ATXN1L: variants seen among roughly 807,000 people sequenced by gnomAD.
ATXN1L encodes the protein ataxin-1-like.
Under a neutral mutation model 43.4 loss-of-function variants are expected in ATXN1L, and 8 were observed. The observed-to-expected ratio is 0.18, with a 90% CI of 0.11 to 0.33. The LOEUF (loss-of-function observed/expected upper bound fraction) is 0.33. Ranked by LOEUF, ATXN1L falls within the 10% of genes least tolerant of loss-of-function variation. The probability of loss-of-function intolerance (pLI) is 1.00; values close to 1 mark genes in which losing one functional copy is unlikely to be tolerated. For synonymous variants in ATXN1L, 379 were observed against 360.6 expected (o/e 1.05, Z -0.58); for missense variants, 856 against 885.4 (o/e 0.97, Z 0.42).
Position 71,851,532 on chromosome 16 carries a change from C to G in ATXN1L, c.1792C>G (p.Pro598Ala), listed in dbSNP as rs1387672176. The G allele has an allele frequency of 1.9e-6, 3 of 1,551,586 alleles. No individual in the cohort carries two copies. Among genetic ancestry groups the G allele is most frequent in the Non-Finnish European group, 2.6e-6 (3 of 1,146,942 alleles). ...AGTTTCTCAGGCCAGCTGTGCTCCC[C>G]CAAGCCAGCTGGGTCCCCCCCGAGA... ...NSVSQASCAP[P>A]SQLGPPRERP... Residue 598 changes from proline to alanine, a missense_variant, in exon 3 of 3, where the codon CCA becomes GCA. Physicochemically the swap from Pro to Ala is conservative, Grantham distance 27. Around this residue, in one of 7 missense-constraint regions of ATXN1L, gnomAD observed 185 missense variants for 176.8 expected, o/e 1.05. Coordinates refer to ENST00000427980, the MANE Select transcript of ATXN1L (RefSeq NM_001137675.4). This position sits in a 1 kb window ranked among gnomAD's most constrained non-coding sequence, Gnocchi z 4.9.
At chr16:71,848,540 T>C (rs1023935183) in intron 2 of ATXN1L, 1 of 152,946 alleles carries the variant, frequency 6.5e-6, no homozygotes, top group Non-Finnish European at 1.5e-5. Context: ...GTCAGAAGAA[T>C]TTAGAATTTT....
At chr16:71,849,327 A>T (rs760076506) in intron 2 of ATXN1L, among the ~76,000 whole-genome samples, 2 of 151,706 alleles carry the variant, frequency 1.3e-5, no homozygotes, top group African/African-American at 4.8e-5. Context: ...TATGAGACAC[A>T]TGACTAACCG....
intron 1 of ATXN1L, among the ~76,000 whole-genome samples, chr16:71,847,115 C>A (rs1313790964): frequency 6.6e-6 from 1 of 152,130 alleles, no homozygotes; most frequent in Non-Finnish European, 1.5e-5. Context: ...TGCACCTTGC[C>A]AATCTTAAGA....
chr16:71,850,534 C>G lies in ATXN1L; in HGVS notation c.794C>G (p.Ala265Gly), dbSNP rs1210972065. ...TPQESQSALE[A>G]AAANGGQRPR... is the part of the protein sequence containing the mutation. Reference sequence around the variant, plus strand: ...CAGGAGAGCCAGTCTGCTCTGGAAGCAGCTGCTGCAAATGGAGGACAGAGA... The same window carrying G: ...CAGGAGAGCCAGTCTGCTCTGGAAGGAGCTGCTGCAAATGGAGGACAGAGA... Residue 265 changes from alanine (A) to glycine (G), a missense_variant, in exon 3 of 3, where the codon GCA becomes GGA. Physicochemically the swap from Ala to Gly is moderately conservative, Grantham distance 60 (BLOSUM62 0). Around this residue, in one of 7 missense-constraint regions of ATXN1L, gnomAD observed 490 missense variants for 449.4 expected, o/e 1.09. Coordinates refer to ENST00000427980, the MANE Select transcript of ATXN1L (RefSeq NM_001137675.4). 6.4e-7 allele frequency: 1 copy of G among 1,551,644 alleles called. No individual in the cohort carries two copies. Among genetic ancestry groups the G allele is most frequent in the Admixed American group, 2.0e-5 (1 of 50,994 alleles).
rs2033544181 is a variant in ATXN1L at position 71,855,661 on chromosome 16, C to G, written c.*3851C>G. ...TGGACATGGATTGACTGGGAAAAGG[C>G]CTGGGTCCATTGGAGTAAAGATAAC... On this transcript the variant is annotated 3_prime_UTR_variant, in exon 3 of 3. Coordinates refer to ENST00000427980, the MANE Select transcript of ATXN1L (RefSeq NM_001137675.4). 1 of 167,114 alleles carries G rather than the reference C, an allele frequency of 6.0e-6. No homozygotes were observed. Among genetic ancestry groups the G allele is most frequent in the African/African-American group, 2.4e-5 (1 of 41,420 alleles). The allele number at this position is 167,114 out of a possible 1,614,324, so 10.4% of individuals were successfully genotyped here. A position where few individuals can be genotyped will look rare whatever the true frequency, so the allele number is the denominator to read the frequency against.
Position 71,851,380 on chromosome 16 carries a change from T to C in ATXN1L, c.1640T>C (p.Val547Ala), listed in dbSNP as rs1258826957. 1 of 1,551,248 alleles carries C rather than the reference T, an allele frequency of 6.4e-7. No individual in the cohort carries two copies. Among genetic ancestry groups the C allele is most frequent in the Non-Finnish European group, 8.7e-7 (1 of 1,146,942 alleles). Residue 547 changes from valine to alanine, a missense_variant, in exon 3 of 3, where the codon GTA becomes GCA. Physicochemically the swap from Val to Ala is moderately conservative, Grantham distance 64 (BLOSUM62 0). Around this residue, in one of 7 missense-constraint regions of ATXN1L, gnomAD observed 3 missense variants for 17.6 expected, o/e 0.17. Transcript: ENST00000427980. The surrounding 1 kb of genome is among the most constrained non-coding windows in gnomAD (Gnocchi z 4.9). ...GTGCCCCCCGAGCACCCCTTCTTTG[T>C]ATATGGCCAGGGTTGGTCCTCTTGC... ...IEVPPEHPFFVYGQGWSSCSP... is the reference protein window; with the variant it reads ...IEVPPEHPFFAYGQGWSSCSP...
chr16:71,847,423 C>A (rs559147276), intron 1 of ATXN1L, among the ~76,000 whole-genome samples: 1 of 152,150 alleles, frequency 6.6e-6, no homozygotes, highest in South Asian at 2.1e-4. Flanking sequence ...CATACACACA[C>A]ACATATGCTC....
chr16:71,846,085 A>G lies in ATXN1L; in HGVS notation c.-199A>G. ...CCGGGACGAGTGAGTGGATCCTGGG[A>G]AGCGCTGTGAAATGGGCTGGTGAGT... On this transcript the variant is annotated 5_prime_UTR_variant, in exon 1 of 3. Coordinates refer to ENST00000427980, the MANE Select transcript of ATXN1L (RefSeq NM_001137675.4). 5.0e-6 allele frequency: 1 copy of G among 201,368 alleles called. No homozygotes were observed. Among genetic ancestry groups the G allele is most frequent in the Non-Finnish European group, 1.0e-5 (1 of 96,698 alleles). 12.5% of individuals were successfully genotyped at this position (201,368 alleles called of 1,614,324 possible).
intron 2 of ATXN1L, chr16:71,848,542 T>C (rs2033466680): frequency 6.5e-6 from 1 of 152,948 alleles, no homozygotes; most frequent in South Asian, 2.0e-4. Flanking sequence ...CAGAAGAATT[T>C]AGAATTTTGT....
chr16:71,846,459 C>G (rs1322080350), intron 1 of ATXN1L, among the ~76,000 whole-genome samples: 1 of 152,240 alleles, frequency 6.6e-6, no homozygotes. Flanking sequence ...ATTTCGAGCC[C>G]TACCCTTGTT....
In ATXN1L at chr16:71,851,983, C is replaced by T; in HGVS notation, c.*173C>T. ...AAGGCAGGATCTGTTGTTCATTACCCCATGGCATCCTTTCAGGACAACCCC... is the reference window on the plus strand; with the variant it reads ...AAGGCAGGATCTGTTGTTCATTACCTCATGGCATCCTTTCAGGACAACCCC... On this transcript the variant is annotated 3_prime_UTR_variant, in exon 3 of 3. Transcript: ENST00000427980. This position sits in a 1 kb window ranked among gnomAD's most constrained non-coding sequence, Gnocchi z 4.9. The T allele has an allele frequency of 7.2e-6, 5 of 696,314 alleles. No homozygotes were observed. Among genetic ancestry groups the T allele is most frequent in the Non-Finnish European group, 1.1e-5 (5 of 466,708 alleles). 43.1% of individuals were successfully genotyped at this position (696,314 alleles called of 1,614,324 possible).
Position 71,850,185 on chromosome 16 carries a change from G to T in ATXN1L, c.445G>T (p.Ala149Ser), listed in dbSNP as rs1334793791. The stretch of plus-strand genomic sequence containing the variant: ...TGGGTCTCCTTATAGCCTTCCCTAT[G>T]CTGTGCCACCTAATTTCCTACCGAG... The part of the protein sequence containing the change: ...FIGSPYSLPY[A>S]VPPNFLPSPL... Residue 149 changes from alanine to serine, a missense_variant, in exon 3 of 3, where the codon GCT becomes TCT. By Grantham distance (99) the Ala-to-Ser change is moderately conservative. Around this residue, in one of 7 missense-constraint regions of ATXN1L, gnomAD observed 490 missense variants for 449.4 expected, o/e 1.09. Transcript: ENST00000427980. 1.9e-6 allele frequency: 3 copies of T among 1,551,664 alleles called. No individual in the cohort carries two copies. The highest frequency in any genetic ancestry group is 2.4e-5 in the South Asian group (2 of 84,060).
rs926136893 is a variant in ATXN1L at position 71,856,519 on chromosome 16, T to C, written c.*4709T>C. 2 of 167,188 alleles carry C rather than the reference T, an allele frequency of 1.2e-5. No homozygotes were observed. Among genetic ancestry groups the C allele is most frequent in the African/African-American group, 4.8e-5 (2 of 41,466 alleles). The allele number at this position is 167,188 out of a possible 1,614,324, so 10.4% of individuals were successfully genotyped here. A position where few individuals can be genotyped will look rare whatever the true frequency, so the allele number is the denominator to read the frequency against. The stretch of plus-strand genomic sequence containing the variant: ...AGGGAGTTTGCACGTAGTTGTGAGC[T>C]GTGAGTGGTTAGTGCATTGCTGGTA... On this transcript the variant is annotated 3_prime_UTR_variant, in exon 3 of 3. Coordinates refer to ENST00000427980, the MANE Select transcript of ATXN1L (RefSeq NM_001137675.4).
chr16:71,848,235 C>A, intron 2 of ATXN1L, 164 bp downstream of exon 2: 2 of 309,576 alleles, frequency 6.5e-6, no homozygotes, highest in Non-Finnish European at 1.3e-5. Context: ...AGTGTTCAGA[C>A]CAAAAAGTTG....
At chr16:71,846,643 T>C (rs919825355) in intron 1 of ATXN1L, among the ~76,000 whole-genome samples, 2 of 152,196 alleles carry the variant, frequency 1.3e-5, no homozygotes, top group Admixed American at 6.5e-5. Flanking sequence ...GCTAGCAGCG[T>C]TGGCAACTCT....
chr16:71,848,122 A>G, intron 2 of ATXN1L, 51 bp downstream of exon 2: 1 of 454,230 alleles, frequency 2.2e-6, no homozygotes, highest in Non-Finnish European at 4.4e-6. Context: ...CTGGGATGTC[A>G]CAGTGGAAAA....
Position 71,854,766 on chromosome 16 carries a change from A to AT in ATXN1L, c.*2957dup, listed in dbSNP as rs2033536505. The AT allele has an allele frequency of 6.0e-6, 1 of 167,026 alleles. No individual in the cohort carries two copies. Among genetic ancestry groups the AT allele is most frequent in the Non-Finnish European group, 1.5e-5 (1 of 68,112 alleles). 10.3% of individuals were successfully genotyped at this position (167,026 alleles called of 1,614,324 possible). A position where few individuals can be genotyped will look rare whatever the true frequency, so the allele number is the denominator to read the frequency against. On this transcript the variant is annotated 3_prime_UTR_variant, in exon 3 of 3. Transcript: ENST00000427980. ...AGTAGGACATTTCCAGCTCTTAGGA[A>AT]TAGAAAGGAGGACTGCTGACTGTCT...
intron 2 of ATXN1L, chr16:71,848,299 AAAGAG>A (rs2033463504): frequency 3.4e-6 from 1 of 292,658 alleles, no homozygotes; most frequent in African/African-American, 2.2e-5. Context: ...GAGAAAAGGG[AAAGAG>A]AACTTTCTTA....
In ATXN1L at chr16:71,856,185, T is replaced by G. The variant is rs936259957; in HGVS notation, c.*4375T>G. The G allele has an allele frequency of 1.2e-5, 2 of 167,054 alleles. No homozygotes were observed. The highest frequency in any genetic ancestry group is 2.4e-5 in the African/African-American group (1 of 41,440). The allele number at this position is 167,054 out of a possible 1,614,324, so 10.3% of individuals were successfully genotyped here. A position where few individuals can be genotyped will look rare whatever the true frequency, so the allele number is the denominator to read the frequency against. On this transcript the variant is annotated 3_prime_UTR_variant, in exon 3 of 3. Transcript: ENST00000427980. ...CCTGCTGCCTCCCCAGCAGGAACAA[T>G]AGTCATAAATGCACTTTTCACACTA...
Sources: allele counts gnomAD v4.1 joint callset (sites outside exome capture counted in the v4.1 genomes callset), GRCh38; gene constraint gnomAD v4.1.1; regional missense constraint gnomAD v4.1.1; non-coding constraint Gnocchi (gnomAD v3.1); transcripts MANE v1.5; gene names NCBI Gene and HGNC (gene_info 2026-07-23, HGNC 2026-07-21).